Variants in GRID2 observed in about 807,000 individuals in gnomAD.
GRID2 encodes the protein glutamate receptor ionotropic, delta-2.
In GRID2, 33 loss-of-function variants were observed where a neutral mutation model predicts 114.8. The ratio of observed to expected loss-of-function variants is 0.29; its 90% confidence interval spans 0.22 to 0.38. GRID2 has a LOEUF of 0.38. GRID2 is among the 10% of genes least tolerant of loss of function. GRID2 has a pLI of 1.00. For missense variants in GRID2, 1,184 were observed against 1,257.7 expected, an observed-to-expected ratio of 0.94 and a Z score of 0.89; for synonymous variants, 505 against 449.9, an observed-to-expected ratio of 1.12 and a Z score of -1.55.
chr4:92,704,701 A>ATCTCTCTCTCTCTC (rs778705188), intron 2 of GRID2, among the ~76,000 whole-genome samples: 2 of 113,704 alleles, frequency 1.8e-5, no homozygotes, highest in South Asian at 6.9e-4. Flanking sequence ...CAATCAATCA[A>ATCTCTCTCTCTCTC]TCTCTCTCTC....
At chr4:92,738,642 G>A (rs1302029716) in intron 2 of GRID2, among the ~76,000 whole-genome samples, 1 of 151,864 alleles carries the variant, frequency 6.6e-6, no homozygotes, top group African/African-American at 2.4e-5. Context: ...ATTACCCTCT[G>A]ATTTTCCCTT....
chr4:93,050,316 T>C (rs966620904), intron 2 of GRID2, among the ~76,000 whole-genome samples: 2 of 151,946 alleles, frequency 1.3e-5, no homozygotes, highest in African/African-American at 4.8e-5. Context: ...CTGCAGAGAG[T>C]CATTGACTGA....
chr4:93,068,286 A>C (rs1318182867), intron 2 of GRID2, among the ~76,000 whole-genome samples: 1 of 152,072 alleles, frequency 6.6e-6, no homozygotes, highest in East Asian at 1.9e-4. Context: ...AAACCTTACG[A>C]GGCAAGCAGA....
intron 8 of GRID2, among the ~76,000 whole-genome samples, chr4:93,333,418 A>G (rs1173117781): frequency 6.6e-6 from 1 of 152,198 alleles, no homozygotes; most frequent in Non-Finnish European, 1.5e-5. Context: ...TCAAAGTTCC[A>G]TAAACTTTTC....
At chr4:92,751,991 T>C (rs1353326512) in intron 2 of GRID2, among the ~76,000 whole-genome samples, 1 of 152,196 alleles carries the variant, frequency 6.6e-6, no homozygotes, top group Non-Finnish European at 1.5e-5. Flanking sequence ...GTAGTGAATT[T>C]TGCAAAAGTG....
intron 1 of GRID2, among the ~76,000 whole-genome samples, chr4:92,549,705 T>C (rs1475740474): frequency 6.6e-6 from 1 of 152,176 alleles, no homozygotes; most frequent in Non-Finnish European, 1.5e-5. Flanking sequence ...ATTCACAGTT[T>C]AGGTTACAGG....
At chr4:92,804,675 G>T (rs1184279448) in intron 2 of GRID2, among the ~76,000 whole-genome samples, 2 of 151,826 alleles carry the variant, frequency 1.3e-5, no homozygotes. Context: ...ATGAGAATTG[G>T]GAAACAGAAC....
chr4:92,723,347 T>C lies in GRID2; in HGVS notation c.244+133061T>C, dbSNP rs145516660. ...CTTGCACCAGCCACACTTTAAGACG[T>C]TGGTAATGAACAGTTAAAATTTGTC... On this transcript the variant is annotated intron_variant, in intron 2 of 15. Transcript: ENST00000282020. 4.2e-3 allele frequency among the ~76,000 whole-genome samples: 641 copies of C among 152,276 alleles called. 3 individuals carry two copies. Among genetic ancestry groups the C allele is most frequent in the Non-Finnish European group, 6.5e-3 (443 of 68,006 alleles).
intron 2 of GRID2, among the ~76,000 whole-genome samples, chr4:92,962,318 C>T (rs987130378): frequency 8.6e-5 from 13 of 151,604 alleles, no homozygotes; most frequent in Non-Finnish European, 1.5e-4. Context: ...AAGGTGTGGT[C>T]CTTAATCATA....
chr4:92,661,281 T>C (rs1159249406), intron 2 of GRID2, among the ~76,000 whole-genome samples: 1 of 151,020 alleles, frequency 6.6e-6, no homozygotes, highest in East Asian at 1.9e-4. Flanking sequence ...TTATGACAAA[T>C]AACATTAAAA....
intron 1 of GRID2, among the ~76,000 whole-genome samples, chr4:92,460,048 A>G (rs1457355091): frequency 8.2e-6 from 1 of 121,970 alleles, no homozygotes; most frequent in Non-Finnish European, 1.7e-5. Flanking sequence ...ATATATATAT[A>G]TATATACACA....
intron 2 of GRID2, among the ~76,000 whole-genome samples, chr4:92,908,607 A>G (rs1748139797): frequency 6.6e-6 from 1 of 151,580 alleles, no homozygotes; most frequent in African/African-American, 2.4e-5. Flanking sequence ...AAAAAATATG[A>G]AAAAAAAGTA....
intron 2 of GRID2, among the ~76,000 whole-genome samples, chr4:92,851,036 A>AGTTTACTTT (rs1411036986): frequency 6.6e-6 from 1 of 151,920 alleles, no homozygotes; most frequent in Non-Finnish European, 1.5e-5. Context: ...ATTATAGTCA[A>AGTTTACTTT]GTTTACTTTT....
At chr4:93,549,687 T>A (rs570045822) in intron 13 of GRID2, among the ~76,000 whole-genome samples, 1 of 152,322 alleles carries the variant, frequency 6.6e-6, no homozygotes, top group African/African-American at 2.4e-5. Flanking sequence ...AGGCATGTTT[T>A]ATCACACTGG....
intron 10 of GRID2, among the ~76,000 whole-genome samples, chr4:93,449,193 G>T (rs1264461639): frequency 2.6e-5 from 4 of 151,850 alleles, no homozygotes; most frequent in African/African-American, 9.7e-5. Context: ...AGCAAGAGAA[G>T]GAAACAGTTT....
At chr4:93,180,127 C>T (rs1245913271) in intron 4 of GRID2, among the ~76,000 whole-genome samples, 1 of 151,956 alleles carries the variant, frequency 6.6e-6, no homozygotes, top group African/African-American at 2.4e-5. Context: ...TATACTTGCC[C>T]CCACAGTGTC....
chr4:92,749,139 G>A (rs867413534), intron 2 of GRID2, among the ~76,000 whole-genome samples: 5 of 151,162 alleles, frequency 3.3e-5, no homozygotes, highest in African/African-American at 1.2e-4. Context: ...GACTATAGGC[G>A]CGCACCACCA....
intron 2 of GRID2, among the ~76,000 whole-genome samples, chr4:92,882,737 A>T (rs1014346949): frequency 2.0e-5 from 3 of 152,236 alleles, no homozygotes; most frequent in African/African-American, 7.2e-5. Flanking sequence ...ATGTGCATAT[A>T]AAAGTTGTGT....
intron 1 of GRID2, among the ~76,000 whole-genome samples, chr4:92,378,717 A>G (rs1448479704): frequency 6.6e-6 from 1 of 152,048 alleles, no homozygotes; most frequent in Non-Finnish European, 1.5e-5. Flanking sequence ...AAGTTGAGCT[A>G]TTATTCAACC....
Sources: allele counts gnomAD v4.1 joint callset (sites outside exome capture counted in the v4.1 genomes callset), GRCh38; gene constraint gnomAD v4.1.1; transcripts MANE v1.5; gene names NCBI Gene and HGNC (gene_info 2026-07-23, HGNC 2026-07-21).